The following FAM193A variants were observed in gnomAD, a reference collection of about 807,000 sequenced individuals.
FAM193A encodes protein FAM193A.
A neutral mutation model predicts 126.5 loss-of-function variants in FAM193A; 22 were observed. That is an observed-to-expected ratio of 0.17 (90% CI 0.12 to 0.25). The LOEUF is 0.25. FAM193A is among the 10% of genes least tolerant of loss of function. FAM193A has a pLI of 1.00. For synonymous variants in FAM193A, 761 were observed against 646.8 expected (o/e 1.18, Z -2.68); for missense variants, 1,675 against 1,672.8 (o/e 1.00, Z -0.02).
intron 8 of FAM193A, among the ~76,000 whole-genome samples, chr4:2,659,268 C>A (rs1350211063): frequency 6.6e-6 from 1 of 152,198 alleles, no homozygotes; most frequent in African/African-American, 2.4e-5. Context: ...AAGCACATGG[C>A]AGACAGGGTA....
rs1577091113 is a variant in FAM193A at position 2,625,306 on chromosome 4, A to G, written c.546A>G (p.Pro182=). Residue 182 remains proline (P), a synonymous_variant, in exon 3 of 21, where the codon CCA becomes CCG. Transcript: ENST00000637812. ...LLHSSLGGSQ[P]EAGSGGRLAL... ...ACTCCTCGCTTGGTGGCTCCCAGCC[A>G]GAGGCCGGCAGTGGTGGGAGGCTCG... The G allele has an allele frequency of 1.4e-6, 1 of 703,034 alleles. No individual in the cohort carries two copies. The highest frequency in any genetic ancestry group is 2.6e-6 in the Non-Finnish European group (1 of 384,976). 43.5% of individuals were successfully genotyped at this position (703,034 alleles called of 1,614,324 possible). A position where few individuals can be genotyped will look rare whatever the true frequency, so the allele number is the denominator to read the frequency against.
At chr4:2,654,888 A>G (rs994398886) in intron 7 of FAM193A, 3 of 450,248 alleles carry the variant, frequency 6.7e-6, no homozygotes, top group Non-Finnish European at 1.2e-5. Context: ...AACTGGGAAA[A>G]TGGAGATGCC....
intron 20 of FAM193A, among the ~76,000 whole-genome samples, chr4:2,730,309 A>G (rs1348705607): frequency 6.6e-6 from 1 of 152,226 alleles, no homozygotes; most frequent in Admixed American, 6.5e-5. Context: ...CCTTTTAAAC[A>G]GCTTTAGAGT....
chr4:2,667,845 G>T (rs1713297363), intron 12 of FAM193A, among the ~76,000 whole-genome samples: 1 of 151,958 alleles, frequency 6.6e-6, no homozygotes, highest in Admixed American at 6.6e-5. Context: ...GTTACAGTAT[G>T]CATCTCTTGT....
intron 1 of FAM193A, among the ~76,000 whole-genome samples, chr4:2,548,740 AG>A (rs1737724021): frequency 6.6e-6 from 1 of 151,596 alleles, no homozygotes; most frequent in African/African-American, 2.4e-5. Context: ...TATAGGTGTG[AG>A]CCACCGGACC....
intron 19 of FAM193A, among the ~76,000 whole-genome samples, chr4:2,707,883 G>A (rs1382117908): frequency 6.6e-6 from 1 of 151,790 alleles, no homozygotes; most frequent in Non-Finnish European, 1.5e-5. Context: ...CGAGTAGCTG[G>A]AATTACAGGT....
intron 20 of FAM193A, among the ~76,000 whole-genome samples, chr4:2,721,998 G>A (rs539467356): frequency 6.6e-6 from 1 of 152,312 alleles, no homozygotes; most frequent in South Asian, 2.1e-4. Flanking sequence ...CCCTCGATAT[G>A]AGGCCACACA....
intron 1 of FAM193A, among the ~76,000 whole-genome samples, chr4:2,561,072 A>G (rs1329847605): frequency 1.3e-5 from 2 of 152,216 alleles, no homozygotes; most frequent in Non-Finnish European, 2.9e-5. Flanking sequence ...CTTACTCTCC[A>G]GGCTTTGGTG....
intron 1 of FAM193A, among the ~76,000 whole-genome samples, chr4:2,593,255 C>T (rs1740670893): frequency 6.6e-6 from 1 of 152,176 alleles, no homozygotes; most frequent in Admixed American, 6.5e-5. Flanking sequence ...TCCTGAACTG[C>T]AGATAGTCGT....
chr4:2,646,959 A>G (rs1293079570), intron 7 of FAM193A, 127 bp downstream of exon 7: 2 of 1,032,854 alleles, frequency 1.9e-6, no homozygotes, highest in Non-Finnish European at 2.7e-6. Flanking sequence ...CCAGAGGCGC[A>G]TGTGGGTAGC....
At chr4:2,641,292 C>T (rs1272664273) in intron 6 of FAM193A, among the ~76,000 whole-genome samples, 1 of 151,860 alleles carries the variant, frequency 6.6e-6, no homozygotes, top group African/African-American at 2.4e-5. Flanking sequence ...AGTGATCCAC[C>T]TGCCTCAGCC....
At chr4:2,652,061 C>T (rs1027916865) in intron 7 of FAM193A, among the ~76,000 whole-genome samples, 4 of 152,196 alleles carry the variant, frequency 2.6e-5, no homozygotes, top group African/African-American at 7.2e-5. Context: ...GATTTCATTT[C>T]AGGGACACAT....
rs1181378752 is a variant in FAM193A, at chr4:2,646,772, C to T, written c.1251C>T (p.Arg417=). Residue 417 remains arginine (R), a synonymous_variant, in exon 7 of 21, where the codon CGC becomes CGT. Transcript: ENST00000637812. The part of the protein sequence containing the change: ...QRYQRSEEEL[R]RVAEEWLECQ... ...ACCAGCGTTCCGAGGAGGAGCTGCG[C>T]AGAGTCGCCGAGGAGTGGCTGGAGT... 6.2e-7 allele frequency: 1 copy of T among 1,613,988 alleles called. No individual in the cohort carries two copies. The highest frequency in any genetic ancestry group is 1.3e-5 in the African/African-American group (1 of 74,930).
intron 12 of FAM193A, among the ~76,000 whole-genome samples, chr4:2,670,266 A>T (rs1011019492): frequency 2.0e-5 from 3 of 152,024 alleles, no homozygotes; most frequent in Non-Finnish European, 4.4e-5. Flanking sequence ...CACCTATAGA[A>T]TTTATATTTT....
chr4:2,562,060 C>T (rs1738648940), intron 1 of FAM193A, among the ~76,000 whole-genome samples: 2 of 152,122 alleles, frequency 1.3e-5, no homozygotes, highest in Non-Finnish European at 2.9e-5. Context: ...GACACAGTTT[C>T]CACATCTGTC....
chr4:2,605,446 A>G (rs769172742), intron 2 of FAM193A, among the ~76,000 whole-genome samples: 2 of 152,242 alleles, frequency 1.3e-5, no homozygotes, highest in Admixed American at 6.5e-5. Context: ...ATTATGTTTG[A>G]GAGTCATAAA....
intron 13 of FAM193A, among the ~76,000 whole-genome samples, chr4:2,687,927 C>T (rs1382627978): frequency 6.6e-6 from 1 of 152,228 alleles, no homozygotes; most frequent in East Asian, 1.9e-4. Flanking sequence ...TGCTCCTAAC[C>T]TCTTCCTGTC....
At chr4:2,536,127 G>C (rs1438912085), upstream of FAM193A, among the ~76,000 whole-genome samples, 2 of 151,646 alleles carry the variant, frequency 1.3e-5, no homozygotes, top group African/African-American at 4.8e-5. Context: ...AGCCGCGCCG[G>C]TCTGCGGCAC....
intron 20 of FAM193A, among the ~76,000 whole-genome samples, chr4:2,728,182 TACCTC>T (rs1720969137): frequency 6.6e-6 from 1 of 151,154 alleles, no homozygotes; most frequent in African/African-American, 2.4e-5. Context: ...CTGCCCACCT[TACCTC>T]GGCCTCCCAA....
Sources: gnomAD v4.1 joint callset for allele counts (sites outside exome capture counted in the v4.1 genomes callset) on GRCh38, gnomAD v4.1.1 for gene constraint, MANE v1.5 for transcripts, NCBI Gene and HGNC (gene_info 2026-07-23, HGNC 2026-07-21) for gene names.